Variants in CAPN8 observed in about 807,000 individuals in gnomAD.
The protein encoded by CAPN8 is calpain-8.
Under a neutral mutation model 80.9 loss-of-function variants are expected in CAPN8, and 87 were observed. The observed-to-expected ratio is 1.07, with a 90% confidence interval of 0.90 to 1.28. The LOEUF (loss-of-function observed/expected upper bound fraction) is 1.28. CAPN8 is among the 50% of genes most tolerant of loss of function. The pLI is 0.00. For synonymous variants in CAPN8, 299 were observed against 273.8 expected (o/e 1.09, Z -0.91); for missense variants, 757 against 702.0 (o/e 1.08, Z -0.89).
chr1:223,625,024 C>T (rs1056266624), intron 6 of CAPN8, among the ~76,000 whole-genome samples: 24 of 152,038 alleles, frequency 1.6e-4, no homozygotes, highest in African/African-American at 4.3e-4. Context: ...ACCCGAGAGG[C>T]GGAGCTTGCA....
chr1:223,625,780 T>C, intron 6 of CAPN8, 25 bp downstream of exon 6: 1 of 1,527,652 alleles, frequency 6.5e-7, no homozygotes, highest in Non-Finnish European at 8.9e-7. Flanking sequence ...ACACGTTACC[T>C]TCCCCACCTT....
intron 1 of CAPN8, among the ~76,000 whole-genome samples, chr1:223,664,629 A>G (rs144657254): frequency 4.5e-4 from 68 of 152,268 alleles, no homozygotes; most frequent in African/African-American, 1.5e-3. Context: ...TTCTCTCTAT[A>G]CCTCACCATC....
In CAPN8 at chr1:223,616,112, C is replaced by T. The variant is rs536121019; in HGVS notation, c.1169G>A (p.Arg390His). Residue 390 changes from arginine (R) to histidine (H), a missense_variant, in exon 10 of 21, where the codon CGT (arginine) becomes CAT (histidine). Transcript: ENST00000366872. ...CTGGTCCTCATCCACTTCATCCAAA[C>T]GGATTTTGAACTGGGGATTGGTCCA... The part of the protein sequence containing the change: ...TYWTNPQFKI[R>H]LDEVDEDQEE... 4.8e-5 allele frequency: 74 copies of T among 1,551,766 alleles called. No homozygotes were observed. Among genetic ancestry groups the T allele is most frequent in the African/African-American group, 3.8e-4 (28 of 73,200 alleles).
chr1:223,611,069 G>A (rs541623377), intron 11 of CAPN8, among the ~76,000 whole-genome samples: 1 of 152,300 alleles, frequency 6.6e-6, no homozygotes, highest in African/African-American at 2.4e-5. Context: ...ACACATTGAG[G>A]GCACTGTGAG....
At chr1:223,554,022 T>C (rs1572225320) in intron 13 of CAPN8, 122 bp from the exon 14 acceptor site, 1 of 394,874 alleles carries the variant, frequency 2.5e-6, no homozygotes, top group East Asian at 3.6e-5. Context: ...TGCCAGGCTT[T>C]GGGCTAAGTG....
intron 1 of CAPN8, among the ~76,000 whole-genome samples, chr1:223,657,924 A>C (rs2102738849): frequency 6.6e-6 from 1 of 152,178 alleles, no homozygotes; most frequent in East Asian, 1.9e-4. Flanking sequence ...ACCGTTGGCT[A>C]TTCCCTCTCT....
At chr1:223,542,153 T>C (rs1471721427) in intron 20 of CAPN8, among the ~76,000 whole-genome samples, 2 of 152,008 alleles carry the variant, frequency 1.3e-5, no homozygotes, top group Non-Finnish European at 2.9e-5. Context: ...CAATAGTGTA[T>C]ACTATTATAT....
intron 1 of CAPN8, among the ~76,000 whole-genome samples, chr1:223,663,273 AAAG>A (rs1192961018): frequency 2.0e-5 from 3 of 152,196 alleles, no homozygotes; most frequent in Non-Finnish European, 4.4e-5. Context: ...GATTTCAAAG[AAAG>A]GAGAAAAACT....
rs1309832865 is a variant in CAPN8 at position 223,558,140 on chromosome 1, G to A, written c.1563C>T (p.Asn521=). Residue 521 remains asparagine, a synonymous_variant, in exon 13 of 21, where the codon AAC becomes AAT. Coordinates refer to ENST00000366872, the MANE Select transcript of CAPN8 (RefSeq NM_001143962.2). ...CAAAAAGATTGCATACCTCATATGG[G>A]TTTCCAGCTACCACATCCCCAATTT... is the stretch of plus-strand genomic sequence containing the variant. ...ALEIGDVVAG[N]PYEPHPSEVD... is the part of the protein sequence containing the mutation. 2.5e-6 allele frequency: 1 copy of A among 398,450 alleles called. No homozygotes were observed. The highest frequency in any genetic ancestry group is 4.4e-5 in the Admixed American group (1 of 22,720). 24.7% of individuals were successfully genotyped at this position (398,450 alleles called of 1,614,324 possible). A position where few individuals can be genotyped will look rare whatever the true frequency, so the allele number is the denominator to read the frequency against.
At chr1:223,646,650 T>C (rs1418962002) in intron 2 of CAPN8, among the ~76,000 whole-genome samples, 2 of 152,178 alleles carry the variant, frequency 1.3e-5, no homozygotes, top group Non-Finnish European at 2.9e-5. Flanking sequence ...ACCATCCACA[T>C]GTGCTGGAAC....
chr1:223,659,366 T>A (rs1658579494), intron 1 of CAPN8, among the ~76,000 whole-genome samples: 2 of 152,136 alleles, frequency 1.3e-5, no homozygotes, highest in Non-Finnish European at 2.9e-5. Flanking sequence ...ACCCAGCACC[T>A]CCATCCCTCT....
chr1:223,653,490 T>C (rs1658395800), intron 2 of CAPN8, among the ~76,000 whole-genome samples: 1 of 151,876 alleles, frequency 6.6e-6, no homozygotes, highest in Admixed American at 6.6e-5. Context: ...GGGGTCCATG[T>C]GATGCTGAGG....
At chr1:223,650,592 C>T (rs1658320396) in intron 2 of CAPN8, among the ~76,000 whole-genome samples, 1 of 152,144 alleles carries the variant, frequency 6.6e-6, no homozygotes, top group Admixed American at 6.5e-5. Context: ...GAGAATGAAG[C>T]CAACCTGTAG....
chr1:223,628,103 C>A lies in CAPN8; in HGVS notation c.466G>T (p.Asp156Tyr). The A allele has an allele frequency of 1.3e-6, 2 of 1,551,152 alleles. No individual in the cohort carries two copies. The highest frequency in any genetic ancestry group is 1.7e-6 in the Non-Finnish European group (2 of 1,146,820). ...YGEWVEVVIDDRLPTKNGQLL... is the reference protein window; with the variant it reads ...YGEWVEVVIDYRLPTKNGQLL... ...TGTCCATTCTTGGTGGGCAGCCTGT[C>A]GTCAATGACCACCTCCACCCACTCT... Residue 156 changes from aspartate (D) to tyrosine (Y), a missense_variant, in exon 4 of 21, where the codon GAC (aspartate) becomes TAC (tyrosine). Transcript: ENST00000366872.
At chr1:223,639,132 C>T (rs1194498906) in intron 2 of CAPN8, among the ~76,000 whole-genome samples, 2 of 152,138 alleles carry the variant, frequency 1.3e-5, no homozygotes, top group East Asian at 1.9e-4. Context: ...CTCAGCTACT[C>T]GGGAGGCTGA....
rs539346912 is a variant in CAPN8, at chr1:223,662,143, A to G, written c.237+3267T>C. Reference sequence around the variant, plus strand: ...AATTCAAAGAGACAGAAAGGAGAACAGTTGTCAGAAACTGGGGAGAAGGGC... The same window carrying G: ...AATTCAAAGAGACAGAAAGGAGAACGGTTGTCAGAAACTGGGGAGAAGGGC... On this transcript the variant is annotated intron_variant, in intron 1 of 20. Transcript: ENST00000366872. Among the ~76,000 whole-genome samples, 6 of 152,266 alleles carry G rather than the reference A, an allele frequency of 3.9e-5. No individual in the cohort carries two copies. The East Asian group carries it at 1.2e-3, about 29-fold the overall frequency.
intron 1 of CAPN8, among the ~76,000 whole-genome samples, chr1:223,659,925 T>G (rs1428009750): frequency 1.3e-5 from 2 of 152,134 alleles, no homozygotes; most frequent in Admixed American, 1.3e-4. Flanking sequence ...CTGCCAGCTG[T>G]CCACTTGTCC....
At chr1:223,648,819 G>A (rs868422673) in intron 2 of CAPN8, among the ~76,000 whole-genome samples, 24 of 152,144 alleles carry the variant, frequency 1.6e-4, no homozygotes, top group South Asian at 4.1e-4. Context: ...AGAAAAGGGG[G>A]TTAGAAGAGA....
In CAPN8 at chr1:223,665,642, G is replaced by A; in HGVS notation, c.5C>T (p.Ala2Val). 2 of 1,551,170 alleles carry A rather than the reference G, an allele frequency of 1.3e-6. No individual in the cohort carries two copies. The highest frequency in any genetic ancestry group is 8.7e-7 in the Non-Finnish European group (1 of 1,146,922). ...CCTAGATACACCAGCTGCCTGGGCT[G>A]CCATGGCCGTGGGCTCTGTAGGGTG... M[A>V]AQAAGVSRQR... Residue 2 changes from alanine (A) to valine (V), a missense_variant, in exon 1 of 21, where the codon GCA becomes GTA. Ala to Val is a moderately conservative substitution (Grantham distance 64). Transcript: ENST00000366872.
Sources: allele counts gnomAD v4.1 joint callset (sites outside exome capture counted in the v4.1 genomes callset), GRCh38; gene constraint gnomAD v4.1.1; transcripts MANE v1.5; gene names NCBI Gene and HGNC (gene_info 2026-07-23, HGNC 2026-07-21).